Variants in ME3 observed in about 807,000 individuals in gnomAD.
The protein encoded by ME3 is malic enzyme 3, also known as NADP-dependent malic enzyme, mitochondrial.
ME3 carries 48 observed loss-of-function variants against 68.9 expected under a neutral mutation model. The observed-to-expected ratio is 0.70, with a 90% CI of 0.55 to 0.89. The LOEUF is 0.89. Among genes scored for constraint, ME3 ranks in the 40% least tolerant of loss-of-function variants. The probability of loss-of-function intolerance (pLI) is 0.00; values close to 1 mark genes in which losing one functional copy is unlikely to be tolerated. For synonymous variants in ME3, 320 were observed against 318.8 expected (o/e 1.00, Z -0.04); for missense variants, 675 against 797.4 (o/e 0.85, Z 1.85).
chr11:86,663,546 A>T (rs1946412047), intron 2 of ME3, among the ~76,000 whole-genome samples: 2 of 152,210 alleles, frequency 1.3e-5, no homozygotes, highest in South Asian at 4.1e-4. Context: ...TATACTTTCT[A>T]CACATCAAAG....
In ME3 at chr11:86,498,206, G is replaced by A. The variant is rs536506489; in HGVS notation, c.544-82C>T. ...CATTTTAGCAGCCCCAGCCCATCAG[G>A]CTTGGCGACTGGATGCCCACTGACT... On this transcript the variant is annotated intron_variant, in intron 5 of 14. Coordinates refer to ENST00000543262, the Ensembl canonical transcript of ME3. 2.5e-4 allele frequency: 368 copies of A among 1,476,458 alleles called. 1 individual carries two copies. The highest frequency in any genetic ancestry group is 2.2e-3 in the Middle Eastern group (12 of 5,562). The allele number at this position is 1,476,458 out of a possible 1,614,324, so 91.5% of individuals were successfully genotyped here.
chr11:86,556,461 C>T, intron 4 of ME3, 92 bp downstream of exon 4: 2 of 1,440,676 alleles, frequency 1.4e-6, no homozygotes, highest in South Asian at 1.4e-5. Context: ...CAGAGTTAGC[C>T]TCCAGAGTCC....
chr11:86,509,431 C>T (rs951596026), intron 4 of ME3, among the ~76,000 whole-genome samples: 2 of 94,756 alleles, frequency 2.1e-5, no homozygotes, highest in African/African-American at 5.5e-5. Context: ...CACACACACG[C>T]ATGTGCGAAG....
In ME3 at chr11:86,658,311, T is replaced by C. The variant is rs143248661; in HGVS notation, c.183+13451A>G. ...CTAATTTTTGTATTTTTAGTAGAGA[T>C]GGGGTTTCATCATGTTGTCCAGCCT... On this transcript the variant is annotated intron_variant, in intron 2 of 14. Transcript: ENST00000543262. 6.0e-3 allele frequency among the ~76,000 whole-genome samples: 909 copies of C among 151,838 alleles called. 12 individuals carry two copies. Among genetic ancestry groups the C allele is most frequent in the African/African-American group, 0.019 (777 of 41,372 alleles).
chr11:86,468,907 T>C (rs1565820211), intron 7 of ME3, among the ~76,000 whole-genome samples: 1 of 152,212 alleles, frequency 6.6e-6, no homozygotes, highest in Non-Finnish European at 1.5e-5. Context: ...AGGCGCTGTT[T>C]CCAGAGAAGG....
chr11:86,639,545 A>G (rs1944538894), intron 2 of ME3, among the ~76,000 whole-genome samples: 1 of 141,252 alleles, frequency 7.1e-6, no homozygotes, highest in South Asian at 2.1e-4. Context: ...TTCAGAGGAT[A>G]CCCTTGTGTG....
At chr11:86,529,549 A>C (rs1955040301) in intron 4 of ME3, among the ~76,000 whole-genome samples, 1 of 152,190 alleles carries the variant, frequency 6.6e-6, no homozygotes, top group Non-Finnish European at 1.5e-5. Context: ...GCAGAGACAC[A>C]ACAAAAAAAG....
chr11:86,546,591 A>G lies in ME3; in HGVS notation c.467+9962T>C, dbSNP rs369320723. ...TGCTCATCATCACTGGTCATTAGAG[A>G]AACGCAAATCAAAAGCACAATGAGA... On this transcript the variant is annotated intron_variant, in intron 4 of 14. Coordinates refer to ENST00000543262, the Ensembl canonical transcript of ME3. Among the ~76,000 whole-genome samples, 25 of 152,370 alleles carry G rather than the reference A, an allele frequency of 1.6e-4. No individual in the cohort carries two copies. In the South Asian group the frequency reaches 2.7e-3, roughly 16 times the overall value.
intron 2 of ME3, among the ~76,000 whole-genome samples, chr11:86,631,141 T>C (rs1209117716): frequency 6.6e-5 from 10 of 152,142 alleles, no homozygotes; most frequent in Non-Finnish European, 1.5e-4. Flanking sequence ...AGATGTTAGG[T>C]TGAACAAAAT....
intron 4 of ME3, among the ~76,000 whole-genome samples, chr11:86,553,295 C>T (rs1042389859): frequency 2.0e-5 from 3 of 152,214 alleles, no homozygotes; most frequent in African/African-American, 7.2e-5. Flanking sequence ...ATGTAATTAG[C>T]TTTGGTGGGG....
intron 10 of ME3, 27 bp from the exon 11 acceptor site, chr11:86,448,282 TGTG>T (rs756410922): frequency 1.3e-6 from 2 of 1,565,328 alleles, no homozygotes; most frequent in South Asian, 1.1e-5. Context: ...ACAGAGCAGT[TGTG>T]GTCGTGATGG....
At chr11:86,617,011 C>T (rs75415254) in intron 2 of ME3, among the ~76,000 whole-genome samples, 1 of 127,920 alleles carries the variant, frequency 7.8e-6, no homozygotes, top group Non-Finnish European at 1.6e-5. Flanking sequence ...ACCTTTGCAA[C>T]TTTTCTGTAC....
At chr11:86,474,811 G>A (rs540652307) in intron 7 of ME3, among the ~76,000 whole-genome samples, 1 of 152,222 alleles carries the variant, frequency 6.6e-6, no homozygotes, top group Non-Finnish European at 1.5e-5. Context: ...AACGCTGCAG[G>A]CAAGGCCATT....
chr11:86,601,738 C>G (rs1960702448), intron 2 of ME3, among the ~76,000 whole-genome samples: 1 of 151,860 alleles, frequency 6.6e-6, no homozygotes. Context: ...AGCAGCACAT[C>G]AAAAAGCTTA....
intron 2 of ME3, among the ~76,000 whole-genome samples, chr11:86,595,989 T>C (rs1232342070): frequency 6.6e-6 from 1 of 152,250 alleles, no homozygotes; most frequent in Non-Finnish European, 1.5e-5. Context: ...CAACAGTCTT[T>C]AGAAATTCCA....
intron 2 of ME3, among the ~76,000 whole-genome samples, chr11:86,560,502 A>T (rs186322978): frequency 5.3e-5 from 8 of 152,066 alleles, no homozygotes; most frequent in Admixed American, 4.6e-4. Flanking sequence ...ATTTACAGAA[A>T]AACTGAGAAG....
intron 2 of ME3, among the ~76,000 whole-genome samples, chr11:86,642,293 A>G (rs966867056): frequency 3.3e-5 from 5 of 152,238 alleles, no homozygotes; most frequent in African/African-American, 1.2e-4. Flanking sequence ...GAGCCCTTAC[A>G]GGTGTGAAAA....
At chr11:86,441,168 T>A in exon 15 of ME3, 1 of 1,161,240 alleles carries the variant, frequency 8.6e-7, no homozygotes. Flanking sequence ...CCAGAAAGTT[T>A]AAAAGAAAAA....
downstream of ME3, among the ~76,000 whole-genome samples, chr11:86,439,949 A>G (rs1465320562): frequency 6.6e-6 from 1 of 152,166 alleles, no homozygotes; most frequent in Non-Finnish European, 1.5e-5. Context: ...CCCAAGGATC[A>G]TAGAGGAGGG....
Sources: allele counts gnomAD v4.1 joint callset (sites outside exome capture counted in the v4.1 genomes callset), GRCh38; gene constraint gnomAD v4.1.1; transcripts MANE v1.5; gene names NCBI Gene and HGNC (gene_info 2026-07-23, HGNC 2026-07-21).